The following CSMD2 variants were observed in gnomAD, a reference collection of about 807,000 sequenced individuals.
The protein encoded by CSMD2 is CUB and Sushi multiple domains 2, also known as CUB and sushi domain-containing protein 2.
CSMD2 carries 130 observed loss-of-function variants against 398.5 expected under a neutral mutation model. The ratio of observed to expected loss-of-function variants is 0.33; its 90% CI spans 0.28 to 0.38. CSMD2 has a LOEUF of 0.38. CSMD2 is among the 10% of genes least tolerant of loss of function. CSMD2 has a pLI of 1.00. For synonymous variants in CSMD2, 1,828 were observed against 1,908.5 expected (o/e 0.96, Z 1.10); for missense variants, 3,829 against 4,764.9 (o/e 0.80, Z 5.78).
intron 22 of CSMD2, among the ~76,000 whole-genome samples, chr1:33,708,607 T>C (rs1645883953): frequency 6.7e-6 from 1 of 148,864 alleles, no homozygotes; most frequent in African/African-American, 2.5e-5. Context: ...ATTATTATTA[T>C]TATTATTATT....
chr1:33,853,996 C>T (rs543947163), intron 5 of CSMD2, among the ~76,000 whole-genome samples: 12 of 152,294 alleles, frequency 7.9e-5, no homozygotes, highest in East Asian at 1.9e-4. Flanking sequence ...TCTTGAAAAA[C>T]GGTCAATTAT....
At chr1:33,861,869 G>A (rs942450794) in intron 5 of CSMD2, among the ~76,000 whole-genome samples, 2 of 152,210 alleles carry the variant, frequency 1.3e-5, no homozygotes, top group Non-Finnish European at 2.9e-5. Flanking sequence ...CAGGGACACA[G>A]AACCAGCTCC....
At chr1:34,023,112 AG>A (rs1649142268) in intron 3 of CSMD2, among the ~76,000 whole-genome samples, 1 of 152,194 alleles carries the variant, frequency 6.6e-6, no homozygotes. Flanking sequence ...CTAGGATTAC[AG>A]GTGTAAGCCA....
At chr1:33,856,958 A>T (rs1412287069) in intron 5 of CSMD2, among the ~76,000 whole-genome samples, 1 of 151,514 alleles carries the variant, frequency 6.6e-6, no homozygotes, top group Non-Finnish European at 1.5e-5. Flanking sequence ...GACATCTACA[A>T]TTCTTGGCCC....
chr1:34,003,075 C>T (rs994066419), intron 3 of CSMD2, among the ~76,000 whole-genome samples: 1 of 152,108 alleles, frequency 6.6e-6, no homozygotes, highest in African/African-American at 2.4e-5. Flanking sequence ...GAAGGCCAGG[C>T]AAGGTCTAAG....
At chr1:33,892,811 G>T (rs536814119) in intron 5 of CSMD2, among the ~76,000 whole-genome samples, 1 of 152,242 alleles carries the variant, frequency 6.6e-6, no homozygotes, top group African/African-American at 2.4e-5. Flanking sequence ...CTTACTTTTT[G>T]CTGTAAGCAA....
At chr1:33,793,397 T>C (rs1342893383) in intron 10 of CSMD2, among the ~76,000 whole-genome samples, 2 of 151,934 alleles carry the variant, frequency 1.3e-5, no homozygotes, top group East Asian at 1.9e-4. Flanking sequence ...GATGGAACAT[T>C]CCAGAAGAAA....
Position 33,840,968 on chromosome 1 carries a change from A to G in CSMD2, c.1033+5916T>C, listed in dbSNP as rs188360055. 2.2e-4 allele frequency among the ~76,000 whole-genome samples: 34 copies of G among 152,364 alleles called. No individual in the cohort carries two copies. The East Asian group carries it at 5.8e-3, about 26-fold the overall frequency. On this transcript the variant is annotated intron_variant, in intron 6 of 70. Transcript: ENST00000373381. ...CACAGGCAAGAACCCAACATGTTCA[A>G]TGGAAAACAGAAGCTTCAGCTTGTT... is the stretch of plus-strand genomic sequence containing the variant.
At position 33,684,191 on chromosome 1, in the gene CSMD2, A is replaced by G. The variant is rs372362018; in HGVS notation, c.4052+8739T>C. 2.0e-5 allele frequency among the ~76,000 whole-genome samples: 3 copies of G among 152,222 alleles called. No homozygotes were observed. In the South Asian group the frequency reaches 6.2e-4, roughly 32 times the overall value. ...GCATCCTCCCAGGAAGATAAGCTCC[A>G]CTGGGCAGGGGTCCTGGTTAATCAA... On this transcript the variant is annotated intron_variant, in intron 25 of 70. Transcript: ENST00000373381.
chr1:33,820,698 G>A, intron 7 of CSMD2, 142 bp from the exon 8 acceptor site: 1 of 631,234 alleles, frequency 1.6e-6, no homozygotes, highest in Non-Finnish European at 2.8e-6. Flanking sequence ...GGGGCTGTGT[G>A]GGGTGGCCGG....
chr1:33,584,621 T>G (rs867409335), intron 46 of CSMD2, among the ~76,000 whole-genome samples: 2 of 149,912 alleles, frequency 1.3e-5, no homozygotes, highest in Non-Finnish European at 1.5e-5. Flanking sequence ...GAGCTGAGAT[T>G]GCACCACTGC....
intron 25 of CSMD2, among the ~76,000 whole-genome samples, chr1:33,674,486 T>C (rs1259736136): frequency 6.6e-6 from 1 of 152,152 alleles, no homozygotes; most frequent in African/African-American, 2.4e-5. Flanking sequence ...CAAAGAGACT[T>C]AGACTCTCAC....
intron 3 of CSMD2, among the ~76,000 whole-genome samples, chr1:34,024,242 A>C (rs1332907171): frequency 1.3e-5 from 2 of 152,174 alleles, no homozygotes; most frequent in Non-Finnish European, 2.9e-5. Context: ...GTGTTCAGTA[A>C]ATATTTGTTG....
rs1641589160 is a variant in CSMD2 at position 34,163,868 on chromosome 1, G to A, written c.187+1043C>T. Reference sequence around the variant, plus strand: ...TGTAGCTAGAACTGAGCTTCGGAGGGGTGCTGTGGGTAAAGCGGGAGGGCA... The same window carrying A: ...TGTAGCTAGAACTGAGCTTCGGAGGAGTGCTGTGGGTAAAGCGGGAGGGCA... On this transcript the variant is annotated intron_variant, in intron 1 of 70. Coordinates refer to ENST00000373381, the MANE Select transcript of CSMD2 (RefSeq NM_001281956.2). This position sits in a 1 kb window ranked among gnomAD's most constrained non-coding sequence, Gnocchi z 5.4. Among the ~76,000 whole-genome samples, 1 of 152,122 alleles carries A rather than the reference G, an allele frequency of 6.6e-6. No homozygotes were observed. Among genetic ancestry groups the A allele is most frequent in the Non-Finnish European group, 1.5e-5 (1 of 68,010 alleles).
At chr1:33,667,512 C>G (rs1350983185) in intron 25 of CSMD2, among the ~76,000 whole-genome samples, 1 of 152,166 alleles carries the variant, frequency 6.6e-6, no homozygotes, top group Non-Finnish European at 1.5e-5. Context: ...CCAGGTCAGA[C>G]CTTAGTGCTT....
At chr1:33,644,198 G>A (rs1487458603) in intron 29 of CSMD2, among the ~76,000 whole-genome samples, 1 of 152,126 alleles carries the variant, frequency 6.6e-6, no homozygotes, top group Non-Finnish European at 1.5e-5. Context: ...GGGTCAACAG[G>A]CAAAAGTGGA....
At chr1:34,042,159 C>T (rs1484492345) in intron 2 of CSMD2, among the ~76,000 whole-genome samples, 1 of 152,318 alleles carries the variant, frequency 6.6e-6, no homozygotes, top group East Asian at 1.9e-4. Flanking sequence ...AAATGTAAGT[C>T]TTGATTCCTG....
At position 33,519,527 on chromosome 1, in the gene CSMD2, T is replaced by G. The variant is rs544262159; in HGVS notation, c.10887A>C (p.Thr3629=). ...CGGCCAGGCCGGGTGGCTATACTGC[T>G]GTGCACACTGTGCTGACTGTGAACT... ...EAEFTVSTVC[T]AV The change falls in exon 70 of 71, where the codon ACA becomes ACC. Residue 3629 remains threonine (T), a synonymous_variant. Coordinates refer to ENST00000373381, the MANE Select transcript of CSMD2 (RefSeq NM_001281956.2). The surrounding 1 kb of genome is among the most constrained non-coding windows in gnomAD (Gnocchi z 5.6). 6.2e-7 allele frequency: 1 copy of G among 1,613,638 alleles called. No individual in the cohort carries two copies. Among genetic ancestry groups the G allele is most frequent in the Non-Finnish European group, 8.5e-7 (1 of 1,180,002 alleles).
chr1:33,983,571 T>C (rs1167701230), intron 3 of CSMD2, among the ~76,000 whole-genome samples: 1 of 151,980 alleles, frequency 6.6e-6, no homozygotes, highest in East Asian at 1.9e-4. Flanking sequence ...TGTCTTAGTC[T>C]ATCTCTCCCT....
Sources: allele counts gnomAD v4.1 joint callset (sites outside exome capture counted in the v4.1 genomes callset), GRCh38; gene constraint gnomAD v4.1.1; non-coding constraint Gnocchi (gnomAD v3.1); transcripts MANE v1.5; gene names NCBI Gene and HGNC (gene_info 2026-07-23, HGNC 2026-07-21).